ARHGEF10L: variants seen among roughly 807,000 people sequenced by gnomAD.
The protein encoded by ARHGEF10L is rho guanine nucleotide exchange factor 10-like protein.
In ARHGEF10L, 69 loss-of-function variants were observed where a neutral mutation model predicts 141.2. That is an observed-to-expected ratio of 0.49 (90% confidence interval 0.40 to 0.60). The LOEUF is 0.60. Among genes scored for constraint, ARHGEF10L ranks in the 20% least tolerant of loss-of-function variants. The probability of loss-of-function intolerance (pLI) is 0.00; values close to 1 mark genes in which losing one functional copy is unlikely to be tolerated. For synonymous variants in ARHGEF10L, 711 were observed against 718.5 expected (o/e 0.99, Z 0.17); for missense variants, 1,482 against 1,734.3 (o/e 0.85, Z 2.58).
chr1:17,697,201 G>A lies in ARHGEF10L; in HGVS notation c.3661G>A (p.Val1221Met), dbSNP rs2065573497. Residue 1221 changes from valine to methionine, a missense_variant, in exon 29 of 29, where the codon GTG (valine) becomes ATG (methionine). Transcript: ENST00000361221. The surrounding 1 kb of genome is among the most constrained non-coding windows in gnomAD (Gnocchi z 4.8). The stretch of plus-strand genomic sequence containing the variant: ...GATGGCCGACGACCCCGACATCTGG[G>A]TGCGCAGCCGGCCCTGCGCCCGCGA... ...YEMADDPDIW[V>M]RSRPCARDAH... is the part of the protein sequence containing the mutation. 1.2e-6 allele frequency: 2 copies of A among 1,611,926 alleles called. No individual in the cohort carries two copies. Among genetic ancestry groups the A allele is most frequent in the African/African-American group, 1.3e-5 (1 of 74,920 alleles).
intron 1 of ARHGEF10L, among the ~76,000 whole-genome samples, chr1:17,547,626 T>C (rs2076962150): frequency 6.6e-6 from 1 of 152,116 alleles, no homozygotes; most frequent in Non-Finnish European, 1.5e-5. Flanking sequence ...AGTAGGAAAA[T>C]AACAGTCTCC....
intron 26 of ARHGEF10L, among the ~76,000 whole-genome samples, chr1:17,665,902 C>T (rs1346299857): frequency 1.3e-5 from 2 of 152,126 alleles, no homozygotes; most frequent in Non-Finnish European, 2.9e-5. Context: ...AGTGTGAATA[C>T]GGAGGCCTGG....
At chr1:17,672,789 A>C (rs1429937458) in intron 26 of ARHGEF10L, among the ~76,000 whole-genome samples, 1 of 152,018 alleles carries the variant, frequency 6.6e-6, no homozygotes, top group Non-Finnish European at 1.5e-5. Context: ...GAAGTTTGTG[A>C]GGCATGGGAG....
rs899458322 is a variant in ARHGEF10L, at chr1:17,603,034, C to T, written c.350-474C>T. Among the ~76,000 whole-genome samples, 17 of 151,578 alleles carry T rather than the reference C, an allele frequency of 1.1e-4. No homozygotes were observed. Among genetic ancestry groups the T allele is most frequent in the Non-Finnish European group, 2.2e-4 (15 of 67,876 alleles). ...CCAGGACCTAGGGAAGCATCACAGG[C>T]CAGTGGGTCTCGTGACTTCTTCCTG... On this transcript the variant is annotated intron_variant, in intron 5 of 28. Transcript: ENST00000361221. This position sits in a 1 kb window ranked among gnomAD's most constrained non-coding sequence, Gnocchi z 4.8.
At chr1:17,596,210 G>A (rs2080085848) in intron 4 of ARHGEF10L, among the ~76,000 whole-genome samples, 1 of 152,238 alleles carries the variant, frequency 6.6e-6, no homozygotes. Flanking sequence ...CAAGCCAGAT[G>A]CTCTCTAAGG....
intron 26 of ARHGEF10L, among the ~76,000 whole-genome samples, chr1:17,686,078 TTTTCTTTCTTTCTTTC>T (rs537589890): frequency 1.4e-5 from 2 of 140,600 alleles, no homozygotes; most frequent in East Asian, 2.2e-4. Flanking sequence ...GTTTTGTTTT[TTTTCTTTCTTTCTTTC>T]TTTCTTTCTT....
chr1:17,695,337 T>C (rs977645117), intron 28 of ARHGEF10L, 57 bp downstream of exon 28: 2 of 1,531,294 alleles, frequency 1.3e-6, no homozygotes, highest in Non-Finnish European at 1.7e-6. Flanking sequence ...AGGTGGCCAG[T>C]GGGGCTTGGC....
chr1:17,582,584 G>A (rs2078669149), intron 2 of ARHGEF10L, among the ~76,000 whole-genome samples: 1 of 152,206 alleles, frequency 6.6e-6, no homozygotes, highest in Non-Finnish European at 1.5e-5. Context: ...TTTGTTCTCT[G>A]TCTTTGCTGT....
chr1:17,589,590 C>A (rs2079355731), intron 4 of ARHGEF10L, among the ~76,000 whole-genome samples: 1 of 152,212 alleles, frequency 6.6e-6, no homozygotes, highest in African/African-American at 2.4e-5. Flanking sequence ...TGCTCATTTG[C>A]TGTCCAGAGT....
intron 22 of ARHGEF10L, among the ~76,000 whole-genome samples, chr1:17,651,791 G>A (rs1020954817): frequency 2.6e-5 from 4 of 152,144 alleles, no homozygotes; most frequent in Non-Finnish European, 5.9e-5. Context: ...ACTCTCTGTG[G>A]TAAGGGGCCT....
chr1:17,603,528 G>A lies in ARHGEF10L; in HGVS notation c.370G>A (p.Ala124Thr), dbSNP rs1296427601. The part of the protein sequence containing the change: ...SRRIDRFTFP[A>T]LEEDVIYDDV... ...CCCAGTTGACCGGTTCACTTTCCCC[G>A]CCCTGGAAGAGGATGTGATTTATGA... The change falls in exon 6 of 29, where the codon GCC becomes ACC. Residue 124 changes from alanine (A) to threonine (T), a missense_variant. Around this residue, in one of 3 missense-constraint regions of ARHGEF10L, gnomAD observed 232 missense variants for 225.9 expected, o/e 1.03. Transcript: ENST00000361221. This position sits in a 1 kb window ranked among gnomAD's most constrained non-coding sequence, Gnocchi z 4.8. 1.1e-5 allele frequency: 18 copies of A among 1,613,486 alleles called. No homozygotes were observed. Among genetic ancestry groups the A allele is most frequent in the South Asian group, 2.2e-5 (2 of 90,938 alleles).
intron 4 of ARHGEF10L, among the ~76,000 whole-genome samples, chr1:17,591,568 G>A (rs2354287): frequency 0.43 from 66,016 of 151,860 alleles, 14,818 homozygotes; most frequent in Admixed American, 0.54. Context: ...GTGCCACCAC[G>A]CCGAACTAAT....
chr1:17,612,650 C>A (rs908284307), intron 7 of ARHGEF10L, among the ~76,000 whole-genome samples: 1 of 152,234 alleles, frequency 6.6e-6, no homozygotes, highest in African/African-American at 2.4e-5. Flanking sequence ...ATCTGTCTAT[C>A]TCACAAACTT....
rs2063467232 is a variant in ARHGEF10L at position 17,673,630 on chromosome 1, G to A, written c.3009+9035G>A. ...CTGTGAGCCTGGCAGCGGGGTAGCA[G>A]GGAAGGTCCACAGGAGGCAACCTCT... On this transcript the variant is annotated intron_variant, in intron 26 of 28. Transcript: ENST00000361221. This position sits in a 1 kb window ranked among gnomAD's most constrained non-coding sequence, Gnocchi z 4.1. Among the ~76,000 whole-genome samples the A allele has an allele frequency of 6.6e-6, 1 of 152,214 alleles. No individual in the cohort carries two copies.
At chr1:17,549,130 C>T (rs2077021152) in intron 1 of ARHGEF10L, among the ~76,000 whole-genome samples, 1 of 151,932 alleles carries the variant, frequency 6.6e-6, no homozygotes, top group African/African-American at 2.4e-5. Flanking sequence ...TCGAGCGATT[C>T]TCCAGCCTCA....
Position 17,558,188 on chromosome 1 carries a change from CCCAT to C in ARHGEF10L, c.-44+18261_-44+18264del, listed in dbSNP as rs765339083. On this transcript the variant is annotated intron_variant, in intron 1 of 28. Coordinates refer to ENST00000361221, the MANE Select transcript of ARHGEF10L (RefSeq NM_018125.4). The surrounding 1 kb of genome is among the most constrained non-coding windows in gnomAD (Gnocchi z 4.2). Reference sequence around the variant, plus strand: ...ATCTATGCATCCATCCATCCATCCACCCATCCATCCATCCATCCATCCATCCGCC... The same window carrying C: ...ATCTATGCATCCATCCATCCATCCACCCATCCATCCATCCATCCATCCGCC... Among the ~76,000 whole-genome samples, 13 of 151,538 alleles carry C rather than the reference CCCAT, an allele frequency of 8.6e-5. No homozygotes were observed. Among genetic ancestry groups the C allele is most frequent in the East Asian group, 7.7e-4 (4 of 5,178 alleles).
intron 1 of ARHGEF10L, among the ~76,000 whole-genome samples, chr1:17,570,644 A>C (rs913975405): frequency 5.3e-5 from 8 of 152,138 alleles, no homozygotes; most frequent in Admixed American, 3.9e-4. Flanking sequence ...GCGGAGGATG[A>C]ACTTGGCCGC....
intron 4 of ARHGEF10L, among the ~76,000 whole-genome samples, chr1:17,601,735 C>T (rs1048274562): frequency 3.3e-5 from 5 of 152,166 alleles, no homozygotes; most frequent in Non-Finnish European, 5.9e-5. Flanking sequence ...CATGAGCTAC[C>T]GTGTCCAGCC....
At chr1:17,554,143 T>C (rs2077215233) in intron 1 of ARHGEF10L, among the ~76,000 whole-genome samples, 2 of 152,104 alleles carry the variant, frequency 1.3e-5, no homozygotes, top group South Asian at 4.1e-4. Context: ...TCCCGGGCCC[T>C]AGATGCAAAA....
Sources: gnomAD v4.1 joint callset for allele counts (sites outside exome capture counted in the v4.1 genomes callset) on GRCh38, gnomAD v4.1.1 for gene constraint, gnomAD v4.1.1 regional missense constraint, Gnocchi (gnomAD v3.1) non-coding constraint, MANE v1.5 for transcripts, NCBI Gene and HGNC (gene_info 2026-07-23, HGNC 2026-07-21) for gene names.